MET: variants seen among roughly 807,000 people sequenced by gnomAD.
MET encodes MET proto-oncogene, receptor tyrosine kinase, also known as hepatocyte growth factor receptor.
In MET, 48 loss-of-function variants were observed where a neutral mutation model predicts 133.1. That is an observed-to-expected ratio of 0.36 (90% CI 0.29 to 0.46). The LOEUF is 0.46. Ranked by LOEUF, MET falls within the 20% of genes least tolerant of loss-of-function variation. The pLI is 1.00. For missense variants in MET, 1,442 were observed against 1,695.9 expected (o/e 0.85, Z 2.63); for synonymous variants, 628 against 616.5 (o/e 1.02, Z -0.28).
intron 18 of MET, 83 bp downstream of exon 18, chr7:116,782,180 T>C: frequency 2.1e-6 from 2 of 949,686 alleles, no homozygotes; most frequent in Non-Finnish European, 3.4e-6. Flanking sequence ...CTAGTTAAGC[T>C]GTTTTCTCTT....
At chr7:116,707,843 C>A (rs1200913489) in intron 2 of MET, among the ~76,000 whole-genome samples, 1 of 152,088 alleles carries the variant, frequency 6.6e-6, no homozygotes, top group Non-Finnish European at 1.5e-5. Flanking sequence ...CAATATTTTC[C>A]ATTTATCTTA....
At chr7:116,749,956 T>A (rs1028979439) in intron 5 of MET, among the ~76,000 whole-genome samples, 9 of 151,794 alleles carry the variant, frequency 5.9e-5, no homozygotes, top group Middle Eastern at 3.4e-3. Flanking sequence ...GGAGAAACAT[T>A]CCATGCTCAT....
chr7:116,741,113 TA>T, intron 5 of MET, 88 bp downstream of exon 5: 1 of 1,460,690 alleles, frequency 6.8e-7, no homozygotes, highest in Non-Finnish European at 9.4e-7. Context: ...TTTGTTTTTT[TA>T]GATACAAATC....
chr7:116,786,017 T>A (rs1331149506), intron 19 of MET, among the ~76,000 whole-genome samples: 1 of 152,256 alleles, frequency 6.6e-6, no homozygotes, highest in Non-Finnish European at 1.5e-5. Context: ...TGGGCTGTCA[T>A]ACAATAGACC....
At chr7:116,724,666 A>T (rs144286944) in intron 2 of MET, 6,498 of 467,924 alleles carry the variant, frequency 0.014, 44 homozygotes, top group Non-Finnish European at 0.02. Flanking sequence ...AGTTTTTTTT[A>T]CTCCTTGGAA....
chr7:116,706,814 G>A (rs889583106), intron 2 of MET, among the ~76,000 whole-genome samples: 4 of 151,464 alleles, frequency 2.6e-5, no homozygotes, highest in African/African-American at 9.7e-5. Flanking sequence ...AGGGAGGACT[G>A]TAAAGTGCTC....
intron 2 of MET, chr7:116,724,143 G>A: frequency 5.8e-6 from 1 of 171,612 alleles, no homozygotes; most frequent in Non-Finnish European, 1.2e-5. Flanking sequence ...GGACTCCGTG[G>A]GCGTAGGACC....
chr7:116,796,561 T>C lies in MET; in HGVS notation c.*437T>C, dbSNP rs1584979254. 6.0e-6 allele frequency: 2 copies of C among 336,096 alleles called. No individual in the cohort carries two copies. The highest frequency in any genetic ancestry group is 2.1e-5 in the African/African-American group (1 of 48,626). The allele number at this position is 336,096 out of a possible 1,614,324, so 20.8% of individuals were successfully genotyped here. On this transcript the variant is annotated 3_prime_UTR_variant, in exon 21 of 21. Transcript: ENST00000397752. ...AGAATTCTAGTGTTTCAAAACACTT[T>C]TGTGTGTTGTATGGTCAATAACATT...
chr7:116,716,433 AAAG>A (rs1372250842), intron 2 of MET, among the ~76,000 whole-genome samples: 6 of 150,482 alleles, frequency 4.0e-5, no homozygotes, highest in Non-Finnish European at 8.9e-5. Flanking sequence ...GGAAGGAAAG[AAAG>A]AAGGAAAGAA....
chr7:116,683,972 G>C (rs913303699), intron 1 of MET, among the ~76,000 whole-genome samples: 3 of 152,172 alleles, frequency 2.0e-5, no homozygotes, highest in Non-Finnish European at 2.9e-5. Flanking sequence ...CGATGGACGA[G>C]TGGTTCACAA....
intron 2 of MET, among the ~76,000 whole-genome samples, chr7:116,716,333 GAGAGAA>G (rs1401653678): frequency 3.2e-5 from 4 of 125,764 alleles, no homozygotes; most frequent in African/African-American, 9.7e-5. Context: ...GAGAGAGAGA[GAGAGAA>G]AAGAAACGGA....
chr7:116,786,382 T>C (rs775350202), intron 19 of MET, among the ~76,000 whole-genome samples: 7 of 152,212 alleles, frequency 4.6e-5, no homozygotes, highest in Non-Finnish European at 1.0e-4. Context: ...AGGCTGGGAA[T>C]ATGCTTTTGA....
chr7:116,689,700 C>CGA (rs1562877760), intron 1 of MET, among the ~76,000 whole-genome samples: 1 of 151,184 alleles, frequency 6.6e-6, no homozygotes, highest in African/African-American at 2.4e-5. Context: ...TCCACAGTAG[C>CGA]TGGGACTATA....
At chr7:116,721,139 TATTG>T (rs1562896538) in intron 2 of MET, among the ~76,000 whole-genome samples, 1 of 152,232 alleles carries the variant, frequency 6.6e-6, no homozygotes, top group Non-Finnish European at 1.5e-5. Flanking sequence ...GTTGGTAAAC[TATTG>T]ATTATTGCCA....
chr7:116,673,316 C>T (rs967319288), intron 1 of MET, among the ~76,000 whole-genome samples: 22 of 152,258 alleles, frequency 1.4e-4, no homozygotes, highest in African/African-American at 5.3e-4. Flanking sequence ...GGAGAGGGCT[C>T]CAATGGCTCA....
rs2117030775 is a variant in MET at position 116,774,983 on chromosome 7, G to A, written c.3131G>A (p.Ser1044Asn). The A allele has an allele frequency of 6.2e-7, 1 of 1,614,136 alleles. No individual in the cohort carries two copies. Among genetic ancestry groups the A allele is most frequent in the South Asian group, 1.1e-5 (1 of 91,082 alleles). Residue 1044 changes from serine to asparagine, a missense_variant, in exon 15 of 21, where the codon AGT becomes AAT. By Grantham distance (46) the Ser-to-Asn change is conservative. Around this residue, in one of 6 missense-constraint regions of MET, gnomAD observed 514 missense variants for 659.6 expected, o/e 0.78. Transcript: ENST00000397752. ...ACTAGTGGGGACTCTGATATATCCA[G>A]TCCATTACTGCAAAATACTGTCCAC... ...ILTSGDSDIS[S>N]PLLQNTVHID...
chr7:116,679,948 C>T (rs1295588443), intron 1 of MET, among the ~76,000 whole-genome samples: 2 of 152,164 alleles, frequency 1.3e-5, no homozygotes, highest in Non-Finnish European at 2.9e-5. Flanking sequence ...GCATTGAGAT[C>T]TTTCTTGATA....
intron 5 of MET, among the ~76,000 whole-genome samples, chr7:116,746,927 T>G (rs1793713418): frequency 6.6e-6 from 1 of 151,708 alleles, no homozygotes; most frequent in Admixed American, 6.6e-5. Flanking sequence ...TAAAGTATAA[T>G]AAAAAATATA....
At chr7:116,675,265 C>G (rs1161780938) in intron 1 of MET, among the ~76,000 whole-genome samples, 1 of 152,114 alleles carries the variant, frequency 6.6e-6, no homozygotes, top group Non-Finnish European at 1.5e-5. Context: ...ACAGCATTTT[C>G]TTTAAAAGAA....
Sources: allele counts gnomAD v4.1 joint callset (sites outside exome capture counted in the v4.1 genomes callset), GRCh38; gene constraint gnomAD v4.1.1; regional missense constraint gnomAD v4.1.1; transcripts MANE v1.5; gene names NCBI Gene and HGNC (gene_info 2026-07-23, HGNC 2026-07-21).